The following ZNF248 variants were observed in gnomAD, a reference collection of about 807,000 sequenced individuals.
ZNF248 encodes the protein zinc finger protein 248.
Under a neutral mutation model 44.3 loss-of-function variants are expected in ZNF248, and 20 were observed. The observed-to-expected ratio is 0.45, with a 90% CI of 0.32 to 0.66. The LOEUF (loss-of-function observed/expected upper bound fraction) is 0.66, where lower values mean the gene tolerates loss of function less well. ZNF248 is among the 30% of genes least tolerant of loss of function. The pLI is 0.04. For synonymous variants in ZNF248, 224 were observed against 229.0 expected, an observed-to-expected ratio of 0.98 and a Z score of 0.20; for missense variants, 654 against 677.0, an observed-to-expected ratio of 0.97 and a Z score of 0.38.
chr10:37,807,965 T>C (rs1399037780), intron 6 of ZNF248, among the ~76,000 whole-genome samples: 1 of 152,190 alleles, frequency 6.6e-6, no homozygotes, highest in Non-Finnish European at 1.5e-5. Context: ...CGACATTAGC[T>C]GTATATTTTT....
chr10:37,827,625 C>T (rs545171305), downstream of ZNF248, among the ~76,000 whole-genome samples: 9 of 152,156 alleles, frequency 5.9e-5, no homozygotes, highest in South Asian at 1.9e-3. Flanking sequence ...TGTGCAGTGT[C>T]CAGTCACTGG....
chr10:37,833,210 C>T, intron 5 of ZNF248, 94 bp from the exon 6 acceptor site: 5 of 1,458,724 alleles, frequency 3.4e-6, no homozygotes, highest in Non-Finnish European at 4.5e-6. Flanking sequence ...ACAGTCAATT[C>T]TTTTGTTTTA....
intron 6 of ZNF248, among the ~76,000 whole-genome samples, chr10:37,788,561 CAGTGAGCCA>C (rs2048155615): frequency 6.6e-6 from 1 of 152,094 alleles, no homozygotes; most frequent in African/African-American, 2.4e-5. Flanking sequence ...GTGGAGGTTG[CAGTGAGCCA>C]TGAAGCCACC....
chr10:37,778,976 T>C (rs536689301), intron 6 of ZNF248, among the ~76,000 whole-genome samples: 1 of 152,276 alleles, frequency 6.6e-6, no homozygotes, highest in African/African-American at 2.4e-5. Flanking sequence ...AGAAGTTGAA[T>C]CTCTGAATAG....
the ZNF248 span, among the ~76,000 whole-genome samples, chr10:37,769,380 A>T: frequency 1.3e-5 from 2 of 152,172 alleles, no homozygotes; most frequent in East Asian, 3.9e-4. Flanking sequence ...TCAATAAAAT[A>T]CTGGCAAACC....
At chr10:37,846,490 T>A (rs1403689329) in intron 3 of ZNF248, among the ~76,000 whole-genome samples, 1 of 151,960 alleles carries the variant, frequency 6.6e-6, no homozygotes, top group Non-Finnish European at 1.5e-5. Context: ...AAAAAAAAAT[T>A]TTTTAATTGG....
At position 37,829,480 on chromosome 10, in the gene ZNF248, A is replaced by T; in HGVS notation, c.*2135T>A. The stretch of plus-strand genomic sequence containing the variant: ...TTCTTCCCCCTAATTACCATATAGA[A>T]CATTAACACTTAGAAAAATATTCCT... On this transcript the variant is annotated 3_prime_UTR_variant, in exon 6 of 6. Coordinates refer to ENST00000395867, the MANE Select transcript of ZNF248 (RefSeq NM_021045.3). The T allele has an allele frequency of 1.0e-6, 1 of 985,354 alleles. No individual in the cohort carries two copies. The highest frequency in any genetic ancestry group is 1.2e-6 in the Non-Finnish European group (1 of 829,922). 61.0% of individuals were successfully genotyped at this position (985,354 alleles called of 1,614,324 possible).
At chr10:37,853,555 C>T (rs1208668) in intron 3 of ZNF248, among the ~76,000 whole-genome samples, 9,117 of 151,954 alleles carry the variant, frequency 0.06, 351 homozygotes, top group Middle Eastern at 0.096. Flanking sequence ...TTTTTTTGTA[C>T]TTTTAGTAGA....
chr10:37,854,101 C>T (rs1344360480), intron 3 of ZNF248, among the ~76,000 whole-genome samples: 1 of 152,032 alleles, frequency 6.6e-6, no homozygotes, highest in Non-Finnish European at 1.5e-5. Context: ...AAGTAAACTC[C>T]AAATGGATTA....
the ZNF248 span, among the ~76,000 whole-genome samples, chr10:37,767,706 A>G: frequency 1.3e-5 from 2 of 152,228 alleles, no homozygotes; most frequent in African/African-American, 4.8e-5. Flanking sequence ...GCTAGGAAGA[A>G]ACTGCATCAA....
intron 3 of ZNF248, among the ~76,000 whole-genome samples, chr10:37,846,888 C>T (rs1305512164): frequency 6.6e-6 from 1 of 152,122 alleles, no homozygotes; most frequent in Non-Finnish European, 1.5e-5. Flanking sequence ...AAACATACAC[C>T]TCACAAAGTC....
At chr10:37,773,521 A>G (rs2046352440), downstream of ZNF248, among the ~76,000 whole-genome samples, 1 of 152,220 alleles carries the variant, frequency 6.6e-6, no homozygotes, top group African/African-American at 2.4e-5. Flanking sequence ...CACTATATGT[A>G]TACATTCATT....
chr10:37,837,711 C>T lies in ZNF248; in HGVS notation c.144G>A (p.Gly48=), dbSNP rs149511634. The change falls in exon 5 of 6, where the codon GGG becomes GGA. Residue 48 remains glycine (G), a splice_region_variant and synonymous_variant. Coordinates refer to ENST00000395867, the MANE Select transcript of ZNF248 (RefSeq NM_021045.3). ...TCACTTCTGGTTTAGTAATGCAATA[C>T]CCTGTTAAGAGAAAATACCACAGGA... The part of the protein sequence containing the change: ...LENYSNLVSV[G]YCITKPEVIF... The T allele has an allele frequency of 4.8e-5, 77 of 1,613,656 alleles. No individual in the cohort carries two copies. The African/African-American group carries it at 7.1e-4, about 15-fold the overall frequency.
intron 6 of ZNF248, chr10:37,795,096 T>A (rs2048997154): frequency 6.6e-6 from 1 of 152,264 alleles, no homozygotes; most frequent in African/African-American, 2.4e-5. Context: ...GTGTCAATTC[T>A]CTTAAAGTTT....
At chr10:37,773,904 C>T (rs1315337159), downstream of ZNF248, among the ~76,000 whole-genome samples, 1 of 152,096 alleles carries the variant, frequency 6.6e-6, no homozygotes, top group Non-Finnish European at 1.5e-5. Flanking sequence ...TAACGTCTGC[C>T]TAGCTCCCAG....
chr10:37,766,444 G>A, the ZNF248 span, among the ~76,000 whole-genome samples: 2 of 152,168 alleles, frequency 1.3e-5, no homozygotes, highest in Non-Finnish European at 1.5e-5. Flanking sequence ...AGCATTTGCG[G>A]TTCACCAAGA....
At chr10:37,764,673 C>T in the ZNF248 span, among the ~76,000 whole-genome samples, 311 of 152,108 alleles carry the variant, frequency 2.0e-3, no homozygotes, top group Middle Eastern at 3.4e-3. Flanking sequence ...AGGCCGACAC[C>T]GGGAAAATAG....
chr10:37,762,748 T>G, the ZNF248 span, among the ~76,000 whole-genome samples: 1 of 152,272 alleles, frequency 6.6e-6, no homozygotes, highest in East Asian at 1.9e-4. Context: ...TACATACAAG[T>G]GAAGCTTGGC....
the ZNF248 span, among the ~76,000 whole-genome samples, chr10:37,759,620 G>A: frequency 6.6e-6 from 1 of 152,194 alleles, no homozygotes; most frequent in Admixed American, 6.5e-5. Flanking sequence ...CTTAGTGAAA[G>A]CTGTCAGCTA....
Sources: allele counts gnomAD v4.1 joint callset (sites outside exome capture counted in the v4.1 genomes callset), GRCh38; gene constraint gnomAD v4.1.1; transcripts MANE v1.5; gene names NCBI Gene and HGNC (gene_info 2026-07-23, HGNC 2026-07-21).